Variants in CNTNAP5 observed in about 807,000 individuals in gnomAD.
CNTNAP5 encodes the protein contactin-associated protein-like 5.
In CNTNAP5, 72 loss-of-function variants were observed where a neutral mutation model predicts 150.2. The observed-to-expected ratio is 0.48, with a 90% CI of 0.40 to 0.58. The LOEUF is 0.58. Among genes scored for constraint, CNTNAP5 ranks in the 20% least tolerant of loss-of-function variants. The pLI is 0.00. For synonymous variants in CNTNAP5, 672 were observed against 619.8 expected, an observed-to-expected ratio of 1.08 and a Z score of -1.25; for missense variants, 1,636 against 1,626.2, an observed-to-expected ratio of 1.01 and a Z score of -0.10.
rs376899881 is a variant in CNTNAP5, at chr2:124,369,533, G to A, written c.382-47910G>A. ...ATTGGTATGTTCTAGAAGTTCCTGC[G>A]GTGATTCTAAATCAGAGATAGGGTT... On this transcript the variant is annotated intron_variant, in intron 3 of 23. Coordinates refer to ENST00000682447, the MANE Select transcript of CNTNAP5 (RefSeq NM_001367498.1). 7.2e-5 allele frequency among the ~76,000 whole-genome samples: 11 copies of A among 152,158 alleles called. No individual in the cohort carries two copies. In the East Asian group the frequency reaches 1.6e-3, roughly 21 times the overall value.
intron 4 of CNTNAP5, among the ~76,000 whole-genome samples, chr2:124,432,321 G>A (rs370387375): frequency 9.4e-4 from 143 of 152,214 alleles, no homozygotes; most frequent in African/African-American, 3.3e-3. Context: ...CCATCATGCT[G>A]GCCTCCTGCA....
intron 1 of CNTNAP5, among the ~76,000 whole-genome samples, chr2:124,131,135 G>A (rs1683833342): frequency 6.6e-6 from 1 of 152,062 alleles, no homozygotes; most frequent in Non-Finnish European, 1.5e-5. Flanking sequence ...TAAGACTTGG[G>A]TTATTGTACT....
chr2:124,794,338 G>A (rs887582697), intron 18 of CNTNAP5, among the ~76,000 whole-genome samples: 3 of 152,152 alleles, frequency 2.0e-5, no homozygotes, highest in South Asian at 2.1e-4. Flanking sequence ...TGTGGGAAGC[G>A]CAGGACTCTT....
At chr2:124,387,218 C>T (rs538549570) in intron 3 of CNTNAP5, among the ~76,000 whole-genome samples, 6 of 152,296 alleles carry the variant, frequency 3.9e-5, no homozygotes, top group Admixed American at 1.3e-4. Context: ...GTACAGAGTC[C>T]GACTAGAATG....
At chr2:124,261,732 C>T (rs1427864584) in intron 3 of CNTNAP5, among the ~76,000 whole-genome samples, 4 of 152,126 alleles carry the variant, frequency 2.6e-5, no homozygotes, top group Non-Finnish European at 5.9e-5. Flanking sequence ...GTGACATTTC[C>T]TTATTTCTTG....
intron 1 of CNTNAP5, among the ~76,000 whole-genome samples, chr2:124,072,280 G>GA (rs34777949): frequency 0.3 from 44,830 of 149,866 alleles, 6,933 homozygotes; most frequent in Admixed American, 0.37. Flanking sequence ...CTGAATAATG[G>GA]AAAAAAAAAT....
At chr2:124,388,738 G>A (rs557954017) in intron 3 of CNTNAP5, among the ~76,000 whole-genome samples, 7 of 151,888 alleles carry the variant, frequency 4.6e-5, no homozygotes, top group Admixed American at 2.6e-4. Context: ...TCTGTCGCCC[G>A]GAGTGAGACT....
At chr2:124,152,252 A>G (rs1436835129) in intron 1 of CNTNAP5, among the ~76,000 whole-genome samples, 1 of 152,212 alleles carries the variant, frequency 6.6e-6, no homozygotes, top group Non-Finnish European at 1.5e-5. Context: ...GAAGCAACAC[A>G]AAAACTGATA....
intron 3 of CNTNAP5, among the ~76,000 whole-genome samples, chr2:124,341,438 A>G (rs546354395): frequency 2.6e-5 from 4 of 152,242 alleles, no homozygotes; most frequent in African/African-American, 7.2e-5. Context: ...TTTCCTTAGA[A>G]GTTTTACACA....
intron 1 of CNTNAP5, among the ~76,000 whole-genome samples, chr2:124,091,023 A>G (rs1008521304): frequency 6.6e-6 from 1 of 152,158 alleles, no homozygotes; most frequent in African/African-American, 2.4e-5. Context: ...CACCTGGGGG[A>G]AGTGTGGAGA....
intron 3 of CNTNAP5, among the ~76,000 whole-genome samples, chr2:124,304,971 T>G (rs981594071): frequency 1.3e-5 from 2 of 151,812 alleles, no homozygotes; most frequent in Non-Finnish European, 2.9e-5. Flanking sequence ...AAAAGAGGAA[T>G]AGTCACACTG....
intron 4 of CNTNAP5, among the ~76,000 whole-genome samples, chr2:124,427,612 A>G (rs547217058): frequency 2.2e-4 from 33 of 151,884 alleles, no homozygotes; most frequent in African/African-American, 7.7e-4. Flanking sequence ...GCCCACAAGG[A>G]CGCCCGGCTA....
chr2:124,475,117 T>C (rs1157524042), intron 7 of CNTNAP5, among the ~76,000 whole-genome samples: 1 of 152,080 alleles, frequency 6.6e-6, no homozygotes, highest in Non-Finnish European at 1.5e-5. Flanking sequence ...TTTTTTTTTT[T>C]TGACTGTGGG....
intron 3 of CNTNAP5, among the ~76,000 whole-genome samples, chr2:124,341,526 C>T (rs1308949285): frequency 1.3e-5 from 2 of 152,100 alleles, no homozygotes; most frequent in Non-Finnish European, 2.9e-5. Context: ...ACAAGCCTTC[C>T]ATTTCTGGGA....
At chr2:124,508,440 A>T (rs1320839858) in intron 8 of CNTNAP5, among the ~76,000 whole-genome samples, 3 of 152,224 alleles carry the variant, frequency 2.0e-5, no homozygotes, top group Non-Finnish European at 2.9e-5. Context: ...GATGTTTTTG[A>T]GTACAGAGAC....
At chr2:124,527,565 G>A in intron 10 of CNTNAP5, 109 bp downstream of exon 10, 1 of 824,114 alleles carries the variant, frequency 1.2e-6, no homozygotes, top group Non-Finnish European at 1.8e-6. Flanking sequence ...AGCCACATTA[G>A]ACATAATTGA....
intron 19 of CNTNAP5, among the ~76,000 whole-genome samples, chr2:124,812,040 AATTTAT>A (rs1306019198): frequency 3.5e-5 from 1 of 28,766 alleles, no homozygotes; most frequent in East Asian, 7.4e-4. Flanking sequence ...TATAATATAT[AATTTAT>A]ATTTATATAT....
intron 3 of CNTNAP5, among the ~76,000 whole-genome samples, chr2:124,261,843 G>A (rs2217433): frequency 0.02 from 3,058 of 152,258 alleles, 100 homozygotes; most frequent in African/African-American, 0.068. Flanking sequence ...TTCAACGCTA[G>A]CAGGATTTTC....
At chr2:124,906,437 A>G (rs1168384722) in intron 22 of CNTNAP5, among the ~76,000 whole-genome samples, 1 of 152,100 alleles carries the variant, frequency 6.6e-6, no homozygotes, top group Admixed American at 6.6e-5. Flanking sequence ...ACACACTAAG[A>G]ACAATAGTGG....
Sources: gnomAD v4.1 joint callset for allele counts (sites outside exome capture counted in the v4.1 genomes callset) on GRCh38, gnomAD v4.1.1 for gene constraint, MANE v1.5 for transcripts, NCBI Gene and HGNC (gene_info 2026-07-23, HGNC 2026-07-21) for gene names.